PCDHGA8: variants seen among roughly 807,000 people sequenced by gnomAD.
PCDHGA8 encodes the protein protocadherin gamma-A8.
In PCDHGA8, 45 loss-of-function variants were observed where a neutral mutation model predicts 59.2. That is an observed-to-expected ratio of 0.76 (90% CI 0.60 to 0.98). The LOEUF is 0.98. Ranked by LOEUF, PCDHGA8 falls within the 50% of genes least tolerant of loss-of-function variation. PCDHGA8 has a pLI of 0.00. For missense variants in PCDHGA8, 1,257 were observed against 1,196.2 expected, an observed-to-expected ratio of 1.05 and a Z score of -0.75; for synonymous variants, 531 against 519.0, an observed-to-expected ratio of 1.02 and a Z score of -0.32.
intron 1 of PCDHGA8, chr5:141,433,015 C>T (rs2154555449): frequency 2.5e-6 from 4 of 1,614,172 alleles, no homozygotes; most frequent in South Asian, 2.2e-5. Flanking sequence ...TCCTGCAGAC[C>T]TATTCCCACG....
At chr5:141,405,440 GAC>G (rs1297950312) in intron 1 of PCDHGA8, 3 of 1,417,402 alleles carry the variant, frequency 2.1e-6, no homozygotes, top group Non-Finnish European at 2.9e-6. Flanking sequence ...TTGTTTTTGA[GAC>G]AGAGTCTTAC....
At position 141,511,248 on chromosome 5, in the gene PCDHGA8, C is replaced by T; in HGVS notation, c.*75C>T. ...AGCTTCTCCTTACCTGCACCCAGGC[C>T]TCAGAGTTTCAGGGCTAACCCCCAG... On this transcript the variant is annotated 3_prime_UTR_variant, in exon 4 of 4. Transcript: ENST00000398604. 6.4e-7 allele frequency: 1 copy of T among 1,574,736 alleles called. No homozygotes were observed. The highest frequency in any genetic ancestry group is 8.6e-7 in the Non-Finnish European group (1 of 1,160,336).
In PCDHGA8 at chr5:141,405,105, A is replaced by T. The variant is rs1239308721; in HGVS notation, c.2424+9868A>T. The T allele has an allele frequency of 5.6e-6, 9 of 1,613,756 alleles. No individual in the cohort carries two copies. In the Admixed American group the frequency reaches 1.5e-4, roughly 27 times the overall value. Reference sequence around the variant, plus strand: ...ACGCTGCTGGCCCTCAGGCTGAGGCACTGGCACTCCTCGCATCTGCTGCGG... The same window carrying T: ...ACGCTGCTGGCCCTCAGGCTGAGGCTCTGGCACTCCTCGCATCTGCTGCGG... On this transcript the variant is annotated intron_variant, in intron 1 of 3. Coordinates refer to ENST00000398604, the MANE Select transcript of PCDHGA8 (RefSeq NM_032088.2).
At chr5:141,409,832 G>A (rs777679132) in intron 1 of PCDHGA8, 20 of 1,610,814 alleles carry the variant, frequency 1.2e-5, no homozygotes, top group Non-Finnish European at 1.6e-5. Context: ...CACGCTCAGC[G>A]CCAACGTGAG....
Position 141,487,373 on chromosome 5 carries a change from C to T in PCDHGA8, c.2425-7434C>T. 2 of 1,614,224 alleles carry T rather than the reference C, an allele frequency of 1.2e-6. No homozygotes were observed. Among genetic ancestry groups the T allele is most frequent in the Non-Finnish European group, 1.7e-6 (2 of 1,180,042 alleles). On this transcript the variant is annotated intron_variant, in intron 1 of 3. Transcript: ENST00000398604. This position sits in a 1 kb window ranked among gnomAD's most constrained non-coding sequence, Gnocchi z 5.0. ...CTTTCCTGCTGGCACCTGTGCCTGTCTCACCAGATCTCGAAGGAGGGAGGG... is the reference window on the plus strand; with the variant it reads ...CTTTCCTGCTGGCACCTGTGCCTGTTTCACCAGATCTCGAAGGAGGGAGGG...
intron 1 of PCDHGA8, chr5:141,418,093 C>G: frequency 8.1e-6 from 13 of 1,614,032 alleles, no homozygotes; most frequent in Non-Finnish European, 1.1e-5. Flanking sequence ...TCAGCGTAGA[C>G]GCGCAGAGCG....
intron 1 of PCDHGA8, chr5:141,403,454 C>T: frequency 6.2e-7 from 1 of 1,614,054 alleles, no homozygotes; most frequent in Non-Finnish European, 8.5e-7. Context: ...GAACTCCCTC[C>T]AGAGCTACCA....
At chr5:141,395,437 G>T in intron 1 of PCDHGA8, 200 bp downstream of exon 1, 1 of 668,370 alleles carries the variant, frequency 1.5e-6, no homozygotes, top group Non-Finnish European at 2.4e-6. Context: ...TAAACGACTT[G>T]GAAAAGATTG....
At chr5:141,398,565 A>G (rs2150749377) in intron 1 of PCDHGA8, 2 of 1,614,040 alleles carry the variant, frequency 1.2e-6, no homozygotes, top group South Asian at 1.1e-5. Context: ...GTGAGTCTGC[A>G]CAGCCTGGCA....
At chr5:141,402,962 C>A (rs1482027682) in intron 1 of PCDHGA8, 2 of 1,604,618 alleles carry the variant, frequency 1.2e-6, no homozygotes, top group African/African-American at 2.7e-5. Flanking sequence ...AATGGCAGCT[C>A]CAACCAAATG....
At position 141,486,891 on chromosome 5, in the gene PCDHGA8, G is replaced by C. The variant is rs201201426; in HGVS notation, c.2425-7916G>C. On this transcript the variant is annotated intron_variant, in intron 1 of 3. Transcript: ENST00000398604. This position sits in a 1 kb window ranked among gnomAD's most constrained non-coding sequence, Gnocchi z 5.0. ...GTGCTCCGTCCTCGGGCCCGGCCTGGTTCCTTATGTCCCCAAGCACTGCCT... is the reference window on the plus strand; with the variant it reads ...GTGCTCCGTCCTCGGGCCCGGCCTGCTTCCTTATGTCCCCAAGCACTGCCT... 14 of 1,614,118 alleles carry C rather than the reference G, an allele frequency of 8.7e-6. No homozygotes were observed. The highest frequency in any genetic ancestry group is 3.3e-5 in the Admixed American group (2 of 60,008).
intron 1 of PCDHGA8, among the ~76,000 whole-genome samples, chr5:141,437,716 C>T (rs575174227): frequency 1.2e-4 from 18 of 151,782 alleles, no homozygotes; most frequent in Admixed American, 1.0e-3. Flanking sequence ...CACAGTTACC[C>T]TCTAATGTTA....
At chr5:141,425,802 C>T (rs966768224) in intron 1 of PCDHGA8, among the ~76,000 whole-genome samples, 6 of 152,160 alleles carry the variant, frequency 3.9e-5, no homozygotes, top group African/African-American at 1.4e-4. Context: ...ATGTGCATTG[C>T]TTCTGCTTAG....
intron 1 of PCDHGA8, chr5:141,410,392 T>C: frequency 6.2e-7 from 1 of 1,614,050 alleles, no homozygotes; most frequent in African/African-American, 1.3e-5. Flanking sequence ...TCCATCCTGG[T>C]CTCTGTGTCA....
At chr5:141,484,050 C>T (rs1262678828) in intron 1 of PCDHGA8, among the ~76,000 whole-genome samples, 1 of 151,984 alleles carries the variant, frequency 6.6e-6, no homozygotes, top group Non-Finnish European at 1.5e-5. Flanking sequence ...CAAGAGGTCC[C>T]CTGGGGCTAA....
Position 141,395,079 on chromosome 5 carries a change from G to A in PCDHGA8, c.2266G>A (p.Glu756Lys), listed in dbSNP as rs777930721. The change falls in exon 1 of 4, where the codon GAA becomes AAA. Residue 756 changes from glutamate (E) to lysine (K), a missense_variant. By Grantham distance (56) the Glu-to-Lys change is moderately conservative. Coordinates refer to ENST00000398604, the MANE Select transcript of PCDHGA8 (RefSeq NM_032088.2). ...GGCTTTCCTGCAGACCTATTCCCAG[G>A]AAGTCTCCCTCACCGCCGACTCGCG... ...VQAFLQTYSQ[E>K]VSLTADSRKS... 4.0e-5 allele frequency: 65 copies of A among 1,614,024 alleles called. 1 individual carries two copies. In the Middle Eastern group the frequency reaches 6.6e-4, roughly 16 times the overall value.
intron 1 of PCDHGA8, chr5:141,418,309 G>A (rs756375907): frequency 6.2e-7 from 1 of 1,614,008 alleles, no homozygotes; most frequent in South Asian, 1.1e-5. Flanking sequence ...GCCTGGGGAT[G>A]GGAACAATTC....
chr5:141,409,480 C>A, intron 1 of PCDHGA8: 1 of 1,614,002 alleles, frequency 6.2e-7, no homozygotes, highest in Non-Finnish European at 8.5e-7. Flanking sequence ...TAGCCACTGA[C>A]AGGGGCAAGC....
At chr5:141,395,578 G>A (rs2093281923) in intron 1 of PCDHGA8, 1 of 227,714 alleles carries the variant, frequency 4.4e-6, no homozygotes, top group East Asian at 9.3e-5. Flanking sequence ...GTGTGTGTGT[G>A]TGTGTGTGTG....
Sources: allele counts gnomAD v4.1 joint callset (sites outside exome capture counted in the v4.1 genomes callset), GRCh38; gene constraint gnomAD v4.1.1; non-coding constraint Gnocchi (gnomAD v3.1); transcripts MANE v1.5; gene names NCBI Gene and HGNC (gene_info 2026-07-23, HGNC 2026-07-21).